PKNOX2: variants seen among roughly 807,000 people sequenced by gnomAD.
The protein encoded by PKNOX2 is PBX/knotted 1 homeobox 2, also known as homeobox protein PKNOX2.
In PKNOX2, 14 loss-of-function variants were observed where a neutral mutation model predicts 53.1. The ratio of observed to expected loss-of-function variants is 0.26; its 90% CI spans 0.17 to 0.41. PKNOX2 has a LOEUF of 0.41. Ranked by LOEUF, PKNOX2 falls within the 10% of genes least tolerant of loss-of-function variation. The pLI is 1.00. For synonymous variants in PKNOX2, 257 were observed against 242.8 expected (o/e 1.06, Z -0.54); for missense variants, 496 against 602.8 (o/e 0.82, Z 1.85).
chr11:125,177,646 T>A (rs1955798613), intron 1 of PKNOX2, among the ~76,000 whole-genome samples: 1 of 152,118 alleles, frequency 6.6e-6, no homozygotes, highest in African/African-American at 2.4e-5. Context: ...TATTCATGAG[T>A]TCCTTTCCCG....
At chr11:125,317,878 A>C (rs1403269479) in intron 2 of PKNOX2, among the ~76,000 whole-genome samples, 1 of 152,202 alleles carries the variant, frequency 6.6e-6, no homozygotes, top group Non-Finnish European at 1.5e-5. Context: ...CTTTCTAGCT[A>C]TGAAAGTCCT....
intron 2 of PKNOX2, among the ~76,000 whole-genome samples, chr11:125,316,466 C>T (rs909997763): frequency 2.0e-5 from 3 of 152,184 alleles, no homozygotes; most frequent in Non-Finnish European, 4.4e-5. Flanking sequence ...ATCTTTGACT[C>T]GGTTCCTGAG....
chr11:125,277,758 A>G (rs1946272054), intron 2 of PKNOX2: 1 of 152,236 alleles, frequency 6.6e-6, no homozygotes, highest in Non-Finnish European at 1.5e-5. Context: ...CAAAATAGCT[A>G]GAAGAGAAGA....
intron 3 of PKNOX2, among the ~76,000 whole-genome samples, chr11:125,348,141 C>T (rs576146994): frequency 6.6e-6 from 1 of 152,222 alleles, no homozygotes; most frequent in African/African-American, 2.4e-5. Context: ...TTCCCCCACA[C>T]CCCACTGCAA....
intron 2 of PKNOX2, among the ~76,000 whole-genome samples, chr11:125,312,259 A>G (rs990234773): frequency 1.4e-4 from 22 of 152,226 alleles, no homozygotes; most frequent in Non-Finnish European, 2.9e-5. Context: ...TGCACCACAC[A>G]GTAAAAAATT....
chr11:125,175,606 C>A (rs1260184864), intron 1 of PKNOX2, among the ~76,000 whole-genome samples: 2 of 152,174 alleles, frequency 1.3e-5, no homozygotes, highest in South Asian at 2.1e-4. Context: ...TAGCTGTAGA[C>A]CCAAGAAGAA....
Position 125,222,716 on chromosome 11 carries a change from T to C in PKNOX2, c.-200-12329T>C, listed in dbSNP as rs111386041. Among the ~76,000 whole-genome samples the C allele has an allele frequency of 4.6e-3, 697 of 150,142 alleles. 5 individuals carry two copies. Among genetic ancestry groups the C allele is most frequent in the Non-Finnish European group, 7.0e-3 (471 of 67,388 alleles). ...TGTGTATGTGTGTGTGTGCTGTGTATGTGTGTGTGTATGTGTGTGTGTCTG... is the reference window on the plus strand; with the variant it reads ...TGTGTATGTGTGTGTGTGCTGTGTACGTGTGTGTGTATGTGTGTGTGTCTG... On this transcript the variant is annotated intron_variant, in intron 1 of 12. Coordinates refer to ENST00000298282, the MANE Select transcript of PKNOX2 (RefSeq NM_001382323.2).
rs528686371 is a variant in PKNOX2, at chr11:125,190,999, C to G, written c.-201+26223C>G. The G allele has an allele frequency of 2.0e-5, 3 of 152,308 alleles. No homozygotes were observed. The South Asian group carries it at 6.2e-4, about 32-fold the overall frequency. 9.4% of individuals were successfully genotyped at this position (152,308 alleles called of 1,614,324 possible). ...TGTCTCCACAGTGAAACTGCAGGTT[C>G]CTGAGGACAGGAGCCGCATCTTTTT... On this transcript the variant is annotated intron_variant, in intron 1 of 12. Coordinates refer to ENST00000298282, the MANE Select transcript of PKNOX2 (RefSeq NM_001382323.2).
At chr11:125,255,117 C>T (rs1944316543) in intron 2 of PKNOX2, among the ~76,000 whole-genome samples, 1 of 152,190 alleles carries the variant, frequency 6.6e-6, no homozygotes, top group South Asian at 2.1e-4. Flanking sequence ...AAAAATAAGG[C>T]TGCCCAGGAG....
chr11:125,421,056 A>T (rs893215726), intron 10 of PKNOX2, among the ~76,000 whole-genome samples: 2 of 152,216 alleles, frequency 1.3e-5, no homozygotes, highest in African/African-American at 4.8e-5. Flanking sequence ...AAAAAAAAAC[A>T]TGATCTAAGT....
intron 2 of PKNOX2, among the ~76,000 whole-genome samples, chr11:125,270,035 CCAT>C (rs1332667178): frequency 1.3e-5 from 2 of 152,282 alleles, no homozygotes; most frequent in African/African-American, 4.8e-5. Context: ...GAATATTCCA[CCAT>C]CGCCTCTGCT....
At chr11:125,346,302 C>T (rs1565502384) in intron 3 of PKNOX2, among the ~76,000 whole-genome samples, 1 of 152,098 alleles carries the variant, frequency 6.6e-6, no homozygotes, top group African/African-American at 2.4e-5. Flanking sequence ...AAGAGAAGTC[C>T]GGTGCTGGCT....
At position 125,231,206 on chromosome 11, in the gene PKNOX2, T is replaced by C. The variant is rs973273269; in HGVS notation, c.-200-3839T>C. Reference sequence around the variant, plus strand: ...GTGCTCTCTGTGTCAGACCTATGGCTTTGCTAAACCCCCAGCTAATCTTCC... The same window carrying C: ...GTGCTCTCTGTGTCAGACCTATGGCCTTGCTAAACCCCCAGCTAATCTTCC... On this transcript the variant is annotated intron_variant, in intron 1 of 12. Transcript: ENST00000298282. 2.0e-5 allele frequency among the ~76,000 whole-genome samples: 3 copies of C among 152,224 alleles called. No homozygotes were observed. The East Asian group carries it at 5.8e-4, about 29-fold the overall frequency.
chr11:125,284,286 G>A (rs993491544), intron 2 of PKNOX2, among the ~76,000 whole-genome samples: 1 of 152,184 alleles, frequency 6.6e-6, no homozygotes, highest in Non-Finnish European at 1.5e-5. Context: ...GGCAGTAGGA[G>A]GGCTCTGCCT....
chr11:125,423,690 G>T (rs910189251), intron 10 of PKNOX2, among the ~76,000 whole-genome samples: 1 of 152,120 alleles, frequency 6.6e-6, no homozygotes, highest in African/African-American at 2.4e-5. Context: ...TAGCTACACA[G>T]ACCCAAAGCC....
At chr11:125,261,782 G>T (rs946693667) in intron 2 of PKNOX2, among the ~76,000 whole-genome samples, 6 of 152,246 alleles carry the variant, frequency 3.9e-5, no homozygotes, top group Non-Finnish European at 4.4e-5. Flanking sequence ...TTTCCGATCT[G>T]CAAACACAAT....
At chr11:125,313,984 G>C (rs544547324) in intron 2 of PKNOX2, among the ~76,000 whole-genome samples, 35 of 152,322 alleles carry the variant, frequency 2.3e-4, no homozygotes, top group African/African-American at 7.9e-4. Context: ...TGGGCACAAT[G>C]CCAGGCACAC....
chr11:125,430,028 C>T lies in PKNOX2; in HGVS notation c.1079C>T (p.Pro360Leu), dbSNP rs1304834183. ...GATGCCAGCAACCCAGATCCTGCCC[C>T]CAAAGCCAAGAAGATCAAGTCTCAG... ...MLDASNPDPA[P>L]KAKKIKSQHR... The change falls in exon 12 of 13, where the codon CCC (proline) becomes CTC (leucine). Residue 360 changes from proline (P) to leucine (L), a missense_variant. Coordinates refer to ENST00000298282, the MANE Select transcript of PKNOX2 (RefSeq NM_001382323.2). 1 of 1,614,110 alleles carries T rather than the reference C, an allele frequency of 6.2e-7. No homozygotes were observed. The highest frequency in any genetic ancestry group is 8.5e-7 in the Non-Finnish European group (1 of 1,180,048).
Position 125,296,176 on chromosome 11 carries a change from C to CT in PKNOX2, c.-129-35634dup, listed in dbSNP as rs1226557092. 2.6e-3 allele frequency among the ~76,000 whole-genome samples: 388 copies of CT among 151,610 alleles called. 1 individual carries two copies. The highest frequency in any genetic ancestry group is 9.4e-3 in the South Asian group (45 of 4,780). On this transcript the variant is annotated intron_variant, in intron 2 of 12. Transcript: ENST00000298282. ...CCCGACTTCTTCCCTTCTTCTCAGC[C>CT]TTTTTTTTTCCAGTCTGTGCTCAAC...
Sources: allele counts gnomAD v4.1 joint callset (sites outside exome capture counted in the v4.1 genomes callset), GRCh38; gene constraint gnomAD v4.1.1; transcripts MANE v1.5; gene names NCBI Gene and HGNC (gene_info 2026-07-23, HGNC 2026-07-21).